Variants in NAALADL2 observed in about 807,000 individuals in gnomAD.
NAALADL2 encodes the protein inactive N-acetylated-alpha-linked acidic dipeptidase-like protein 2.
NAALADL2 carries 76 observed loss-of-function variants against 87.2 expected under a neutral mutation model. The ratio of observed to expected loss-of-function variants is 0.87; its 90% CI spans 0.72 to 1.05. The LOEUF is 1.05. NAALADL2 is among the 50% of genes least tolerant of loss of function. The probability of loss-of-function intolerance (pLI) is 0.00; values close to 1 mark genes in which losing one functional copy is unlikely to be tolerated. For synonymous variants in NAALADL2, 354 were observed against 331.0 expected (o/e 1.07, Z -0.75); for missense variants, 1,089 against 945.8 (o/e 1.15, Z -1.99).
At chr3:175,311,656 C>A (rs1758378110) in intron 4 of NAALADL2, among the ~76,000 whole-genome samples, 1 of 150,076 alleles carries the variant, frequency 6.7e-6, no homozygotes, top group South Asian at 2.1e-4. Flanking sequence ...CTCTCCCTCC[C>A]TCCCTTCTTT....
At chr3:174,828,407 T>C (rs183146913) in intron 3 of NAALADL2, among the ~76,000 whole-genome samples, 1 of 152,332 alleles carries the variant, frequency 6.6e-6, no homozygotes, top group Admixed American at 6.5e-5. Flanking sequence ...CTTGGCATCA[T>C]AGAGGTGTTG....
At chr3:175,026,258 C>T (rs1337059535) in intron 1 of NAALADL2, among the ~76,000 whole-genome samples, 2 of 151,902 alleles carry the variant, frequency 1.3e-5, no homozygotes, top group Non-Finnish European at 2.9e-5. Context: ...GGCATATTTT[C>T]GTGTAATCTC....
intron 3 of NAALADL2, among the ~76,000 whole-genome samples, chr3:174,851,485 G>C (rs970401601): frequency 1.3e-5 from 2 of 151,842 alleles, no homozygotes; most frequent in African/African-American, 4.8e-5. Flanking sequence ...TATACTATGA[G>C]TAACTATATG....
chr3:175,293,689 T>C (rs1278403608), intron 4 of NAALADL2, among the ~76,000 whole-genome samples: 1 of 152,190 alleles, frequency 6.6e-6, no homozygotes, highest in Non-Finnish European at 1.5e-5. Context: ...CTCTTTCTGC[T>C]ATGTGAGGAC....
intron 5 of NAALADL2, among the ~76,000 whole-genome samples, chr3:175,444,100 T>C (rs1226227813): frequency 1.3e-5 from 2 of 152,110 alleles, no homozygotes; most frequent in African/African-American, 4.8e-5. Context: ...GGAAGTAATA[T>C]TGAAGTATAA....
At chr3:175,651,607 T>G (rs112595686) in intron 11 of NAALADL2, among the ~76,000 whole-genome samples, 8 of 152,292 alleles carry the variant, frequency 5.3e-5, no homozygotes, top group East Asian at 1.9e-4. Context: ...TGTTAAGAGT[T>G]TATATAAGTC....
intron 5 of NAALADL2, among the ~76,000 whole-genome samples, chr3:175,344,399 C>A: frequency 6.6e-6 from 1 of 151,350 alleles, no homozygotes; most frequent in East Asian, 1.9e-4. Flanking sequence ...CTTCTGGTTT[C>A]TACATTTACA....
intron 1 of NAALADL2, among the ~76,000 whole-genome samples, chr3:174,888,068 C>T (rs921186308): frequency 8.6e-5 from 13 of 152,038 alleles, no homozygotes; most frequent in African/African-American, 3.1e-4. Context: ...ATAATATTGA[C>T]CTGATTTCTA....
At chr3:175,699,780 A>G (rs907877611) in intron 11 of NAALADL2, among the ~76,000 whole-genome samples, 3 of 152,162 alleles carry the variant, frequency 2.0e-5, no homozygotes, top group Admixed American at 2.0e-4. Flanking sequence ...TGCTTATCAT[A>G]GGATTCTTTC....
chr3:175,325,922 C>T (rs930677541), intron 5 of NAALADL2, among the ~76,000 whole-genome samples: 2 of 152,128 alleles, frequency 1.3e-5, no homozygotes, highest in Non-Finnish European at 2.9e-5. Context: ...AATAGTGGCA[C>T]CCTTTCTTTC....
At chr3:174,480,953 G>C (rs1486585327) in intron 1 of NAALADL2, among the ~76,000 whole-genome samples, 3 of 152,076 alleles carry the variant, frequency 2.0e-5, no homozygotes, top group Non-Finnish European at 4.4e-5. Flanking sequence ...GGGCAGATAG[G>C]AGAGTCAATA....
At chr3:174,757,922 G>C (rs553816613) in intron 3 of NAALADL2, among the ~76,000 whole-genome samples, 1 of 152,316 alleles carries the variant, frequency 6.6e-6, no homozygotes, top group South Asian at 2.1e-4. Context: ...ATGAATGATG[G>C]CTTCTTAGAA....
intron 2 of NAALADL2, among the ~76,000 whole-genome samples, chr3:174,577,830 C>CT (rs1209994379): frequency 1.3e-5 from 2 of 151,968 alleles, no homozygotes; most frequent in Non-Finnish European, 2.9e-5. Flanking sequence ...GATCTTGAAA[C>CT]TATCTGACAA....
chr3:175,331,067 T>C (rs1012434406), intron 5 of NAALADL2, among the ~76,000 whole-genome samples: 7 of 152,132 alleles, frequency 4.6e-5, no homozygotes, highest in African/African-American at 1.4e-4. Flanking sequence ...TAAATTTTGG[T>C]CACATACAAT....
intron 2 of NAALADL2, among the ~76,000 whole-genome samples, chr3:174,709,067 C>G (rs1342166406): frequency 2.0e-5 from 3 of 152,050 alleles, no homozygotes; most frequent in Non-Finnish European, 4.4e-5. Context: ...GGTACAACAT[C>G]ATATGGTGCT....
intron 2 of NAALADL2, among the ~76,000 whole-genome samples, chr3:175,224,108 C>A (rs1218953063): frequency 1.3e-5 from 2 of 151,980 alleles, no homozygotes; most frequent in African/African-American, 2.4e-5. Context: ...GCAAGCGCAA[C>A]CTGCAGAGGT....
At chr3:175,769,242 T>G (rs1466917428) in intron 13 of NAALADL2, among the ~76,000 whole-genome samples, 2 of 152,206 alleles carry the variant, frequency 1.3e-5, no homozygotes, top group African/African-American at 4.8e-5. Flanking sequence ...GAGAATACAA[T>G]GCTCAAAAAT....
At chr3:175,387,642 A>G (rs1320241333) in intron 5 of NAALADL2, among the ~76,000 whole-genome samples, 1 of 152,160 alleles carries the variant, frequency 6.6e-6, no homozygotes, top group Non-Finnish European at 1.5e-5. Context: ...GAATAAAACA[A>G]AACACTAGAG....
intron 1 of NAALADL2, among the ~76,000 whole-genome samples, chr3:175,017,313 A>G (rs1254959125): frequency 6.6e-6 from 1 of 152,084 alleles, no homozygotes; most frequent in Non-Finnish European, 1.5e-5. Flanking sequence ...GTAAGCATCA[A>G]ACTAAATACT....
Sources: gnomAD v4.1 joint callset for allele counts (sites outside exome capture counted in the v4.1 genomes callset) on GRCh38, gnomAD v4.1.1 for gene constraint, MANE v1.5 for transcripts, NCBI Gene and HGNC (gene_info 2026-07-23, HGNC 2026-07-21) for gene names.